FNDC1: variants seen among roughly 807,000 people sequenced by gnomAD.
FNDC1 encodes the protein fibronectin type III domain containing 1, also known as fibronectin type III domain-containing protein 1.
Under a neutral mutation model 168.0 loss-of-function variants are expected in FNDC1, and 96 were observed. That is an observed-to-expected ratio of 0.57 (90% CI 0.48 to 0.68). The LOEUF is 0.68. FNDC1 is among the 30% of genes least tolerant of loss of function. The pLI, the probability that FNDC1 is intolerant of heterozygous loss-of-function variation, is 0.00. For synonymous variants in FNDC1, 1,099 were observed against 1,025.9 expected, an observed-to-expected ratio of 1.07 and a Z score of -1.36; for missense variants, 2,587 against 2,482.1, an observed-to-expected ratio of 1.04 and a Z score of -0.90.
At chr6:159,197,263 T>C (rs1010626960) in intron 1 of FNDC1, among the ~76,000 whole-genome samples, 168 bp from the exon 2 acceptor site, 1 of 152,258 alleles carries the variant, frequency 6.6e-6, no homozygotes, top group African/African-American at 2.4e-5. Context: ...ATATTTGTTT[T>C]GTTGTCACAC....
intron 5 of FNDC1, among the ~76,000 whole-genome samples, chr6:159,220,332 T>A (rs1782795660): frequency 6.6e-6 from 1 of 152,236 alleles, no homozygotes; most frequent in African/African-American, 2.4e-5. Context: ...GGAGAGTGCG[T>A]GCTCTCAGCT....
rs1783146852 is a variant in FNDC1 at position 159,233,284 on chromosome 6, C to T, written c.2772C>T (p.Pro924=). The T allele has an allele frequency of 3.7e-6, 6 of 1,613,988 alleles. No homozygotes were observed. The highest frequency in any genetic ancestry group is 2.2e-5 in the East Asian group (1 of 44,866). The change falls in exon 11 of 23, where the codon CCC becomes CCT. Residue 924 remains proline (P), a synonymous_variant. Transcript: ENST00000297267. This position sits in a 1 kb window ranked among gnomAD's most constrained non-coding sequence, Gnocchi z 4.6. ...GGGCCAGCCTGCATCGGAAGGAACC[C>T]ATCCCAGAGAACCCCAAATCCACAG... is the stretch of plus-strand genomic sequence containing the variant. ...QRGASLHRKE[P]IPENPKSTGA...
chr6:159,225,388 A>G, intron 7 of FNDC1, 147 bp from the exon 8 acceptor site: 1 of 624,602 alleles, frequency 1.6e-6, no homozygotes, highest in Non-Finnish European at 2.6e-6. Flanking sequence ...TGAGCCAATA[A>G]CATAGTCAAA....
chr6:159,242,070 G>A (rs185927991), intron 14 of FNDC1, among the ~76,000 whole-genome samples: 1 of 152,288 alleles, frequency 6.6e-6, no homozygotes, highest in Admixed American at 6.5e-5. Context: ...ATAGCAAAGA[G>A]ATGGAGTCAA....
At chr6:159,208,852 T>TTA (rs1267114212) in intron 4 of FNDC1, among the ~76,000 whole-genome samples, 1 of 148,562 alleles carries the variant, frequency 6.7e-6, no homozygotes, top group Non-Finnish European at 1.5e-5. Flanking sequence ...TAATTTTTTT[T>TTA]TTTTTTTTTT....
At position 159,169,728 on chromosome 6, in the gene FNDC1, C is replaced by A; in HGVS notation, c.109+23C>A. 1 of 1,003,266 alleles carries A rather than the reference C, an allele frequency of 1.0e-6. No individual in the cohort carries two copies. Among genetic ancestry groups the A allele is most frequent in the South Asian group, 4.9e-5 (1 of 20,382 alleles). The allele number at this position is 1,003,266 out of a possible 1,614,324, so 62.1% of individuals were successfully genotyped here. ...CAGGTACGCGCCGCGCCCGGGCCCCCGGCGCTCCTCAGCTCCCCGCGCACC... is the reference window on the plus strand; with the variant it reads ...CAGGTACGCGCCGCGCCCGGGCCCCAGGCGCTCCTCAGCTCCCCGCGCACC... On this transcript the variant is annotated intron_variant, in intron 1 of 22. Coordinates refer to ENST00000297267, the MANE Select transcript of FNDC1 (RefSeq NM_032532.3). This position sits in a 1 kb window ranked among gnomAD's most constrained non-coding sequence, Gnocchi z 6.8.
At chr6:159,191,203 C>G (rs1181251819) in intron 1 of FNDC1, among the ~76,000 whole-genome samples, 1 of 152,184 alleles carries the variant, frequency 6.6e-6, no homozygotes, top group Admixed American at 6.5e-5. Flanking sequence ...CACCCCCTAC[C>G]TCCAACACTC....
chr6:159,245,711 T>C (rs1350809898), intron 14 of FNDC1, among the ~76,000 whole-genome samples: 1 of 152,224 alleles, frequency 6.6e-6, no homozygotes, highest in Non-Finnish European at 1.5e-5. Context: ...ATGTTACTTA[T>C]GCTCATAATA....
intron 1 of FNDC1, among the ~76,000 whole-genome samples, chr6:159,170,510 T>G (rs1781631231): frequency 6.6e-6 from 1 of 152,234 alleles, no homozygotes; most frequent in African/African-American, 2.4e-5. Context: ...TTCCTAAGCC[T>G]TTGGCGGCCC....
At chr6:159,246,784 G>T in intron 14 of FNDC1, 117 bp from the exon 15 acceptor site, 1 of 697,480 alleles carries the variant, frequency 1.4e-6, no homozygotes. Flanking sequence ...CTGGCCTTGG[G>T]GACTTGTTTT....
At chr6:159,223,439 G>T in intron 6 of FNDC1, 89 bp from the exon 7 acceptor site, 1 of 666,432 alleles carries the variant, frequency 1.5e-6, no homozygotes, top group Non-Finnish European at 2.6e-6. Context: ...ACTTATGCAG[G>T]GTGAATAATA....
chr6:159,191,909 G>A (rs1220385869), intron 1 of FNDC1, among the ~76,000 whole-genome samples: 1 of 152,080 alleles, frequency 6.6e-6, no homozygotes, highest in Non-Finnish European at 1.5e-5. Context: ...TGTCGCCCAG[G>A]CTAGGGTGTG....
intron 1 of FNDC1, 90 bp from the exon 2 acceptor site, chr6:159,197,341 C>G: frequency 8.3e-7 from 1 of 1,205,014 alleles, no homozygotes; most frequent in Non-Finnish European, 1.2e-6. Flanking sequence ...ACGTCATTTA[C>G]TGTTTTCCTA....
chr6:159,205,006 T>C (rs1782459043), intron 4 of FNDC1, among the ~76,000 whole-genome samples: 1 of 152,148 alleles, frequency 6.6e-6, no homozygotes, highest in African/African-American at 2.4e-5. Context: ...CACTGCTCCC[T>C]GCCCTCCTGC....
At chr6:159,239,494 G>C in intron 13 of FNDC1, 23 bp from the exon 14 acceptor site, 1 of 1,559,036 alleles carries the variant, frequency 6.4e-7, no homozygotes, top group Non-Finnish European at 8.7e-7. Flanking sequence ...TTGTTGCATA[G>C]CTATTGGTTG....
At chr6:159,230,884 C>T (rs1783068746) in intron 10 of FNDC1, among the ~76,000 whole-genome samples, 1 of 152,222 alleles carries the variant, frequency 6.6e-6, no homozygotes, top group Non-Finnish European at 1.5e-5. Context: ...AGAATCTCTT[C>T]CCTCAGTCAG....
chr6:159,245,072 G>A (rs1321600040), intron 14 of FNDC1, among the ~76,000 whole-genome samples: 1 of 152,152 alleles, frequency 6.6e-6, no homozygotes, highest in Non-Finnish European at 1.5e-5. Context: ...GAGAGCAAGT[G>A]TGCAGGAAAA....
chr6:159,243,820 A>T (rs1166764923), intron 14 of FNDC1, among the ~76,000 whole-genome samples: 2 of 152,170 alleles, frequency 1.3e-5, no homozygotes, highest in African/African-American at 4.8e-5. Flanking sequence ...AATTATGCCT[A>T]TGTTTATTTG....
intron 4 of FNDC1, among the ~76,000 whole-genome samples, chr6:159,202,748 C>A (rs749438746): frequency 6.6e-6 from 1 of 152,126 alleles, no homozygotes; most frequent in Non-Finnish European, 1.5e-5. Flanking sequence ...TTATTACAGG[C>A]GGAGGTCTAG....
Sources: allele counts gnomAD v4.1 joint callset (sites outside exome capture counted in the v4.1 genomes callset), GRCh38; gene constraint gnomAD v4.1.1; non-coding constraint Gnocchi (gnomAD v3.1); transcripts MANE v1.5; gene names NCBI Gene and HGNC (gene_info 2026-07-23, HGNC 2026-07-21).